The following SDK1 variants were observed in gnomAD, a reference collection of about 807,000 sequenced individuals.
SDK1 encodes the protein protein sidekick-1.
Under a neutral mutation model 245.5 loss-of-function variants are expected in SDK1, and 157 were observed. The observed-to-expected ratio is 0.64, with a 90% CI of 0.56 to 0.73. The LOEUF (loss-of-function observed/expected upper bound fraction) is 0.73, where lower values mean the gene tolerates loss of function less well. Ranked by LOEUF, SDK1 falls within the 30% of genes least tolerant of loss-of-function variation. The pLI is 0.00. For missense variants in SDK1, 3,583 were observed against 3,002.3 expected (o/e 1.19, Z -4.52); for synonymous variants, 1,647 against 1,278.5 (o/e 1.29, Z -6.15).
intron 1 of SDK1, among the ~76,000 whole-genome samples, chr7:3,599,855 T>A (rs1781198496): frequency 6.6e-6 from 1 of 152,242 alleles, no homozygotes; most frequent in African/African-American, 2.4e-5. Flanking sequence ...AGATAGTAAC[T>A]TTGAAATCAG....
In SDK1 at chr7:4,116,424, G is replaced by A. The variant is rs555743436; in HGVS notation, c.3823+2150G>A. 4.7e-4 allele frequency among the ~76,000 whole-genome samples: 72 copies of A among 152,296 alleles called. 2 individuals are homozygous for A. In the South Asian group the frequency reaches 0.011, roughly 24 times the overall value. On this transcript the variant is annotated intron_variant, in intron 25 of 44. Transcript: ENST00000404826. Reference sequence around the variant, plus strand: ...CAGCACGTGCCCAGTGCATCTGCACGTGCCACCCGCTCTGTGTGCCACAGC... The same window carrying A: ...CAGCACGTGCCCAGTGCATCTGCACATGCCACCCGCTCTGTGTGCCACAGC...
chr7:3,946,794 C>G (rs984471752), intron 5 of SDK1, among the ~76,000 whole-genome samples: 4 of 152,124 alleles, frequency 2.6e-5, no homozygotes, highest in Admixed American at 2.6e-4. Context: ...GAGTCCACAC[C>G]AAACAGGAAA....
intron 5 of SDK1, among the ~76,000 whole-genome samples, chr7:3,933,109 A>C (rs1051855517): frequency 6.8e-6 from 1 of 147,074 alleles, no homozygotes. Context: ...CTCCGGCGGG[A>C]AATGCTCCTG....
chr7:3,536,536 C>A (rs775563856), intron 1 of SDK1, among the ~76,000 whole-genome samples: 1 of 151,650 alleles, frequency 6.6e-6, no homozygotes, highest in Non-Finnish European at 1.5e-5. Flanking sequence ...CAAAAAAACC[C>A]CACAAAAATT....
intron 1 of SDK1, among the ~76,000 whole-genome samples, chr7:3,496,856 C>G (rs569572277): frequency 1.3e-5 from 2 of 152,126 alleles, no homozygotes; most frequent in African/African-American, 4.8e-5. Context: ...AAAATCCTTT[C>G]CCCCCACCAC....
chr7:3,795,847 T>G (rs997202777), intron 4 of SDK1, among the ~76,000 whole-genome samples: 2 of 152,194 alleles, frequency 1.3e-5, no homozygotes, highest in African/African-American at 2.4e-5. Flanking sequence ...TCTGTGAAAT[T>G]GACTGATTTT....
intron 4 of SDK1, among the ~76,000 whole-genome samples, chr7:3,648,451 G>T (rs888302316): frequency 3.9e-5 from 6 of 152,214 alleles, no homozygotes; most frequent in Non-Finnish European, 7.3e-5. Context: ...AGTCAGCTTT[G>T]CAATAGACAA....
At chr7:3,773,506 C>G (rs111947025) in intron 4 of SDK1, among the ~76,000 whole-genome samples, 3,026 of 152,262 alleles carry the variant, frequency 0.02, 116 homozygotes, top group African/African-American at 0.069. Context: ...TTTAAAGTCT[C>G]TGTCCAGTAT....
intron 1 of SDK1, among the ~76,000 whole-genome samples, chr7:3,432,309 G>A (rs1779876971): frequency 6.6e-6 from 1 of 151,876 alleles, no homozygotes; most frequent in Non-Finnish European, 1.5e-5. Flanking sequence ...GACACTGGCA[G>A]CATGTCATCC....
intron 1 of SDK1, among the ~76,000 whole-genome samples, chr7:3,552,194 A>T (rs1385294883): frequency 5.3e-5 from 8 of 151,830 alleles, no homozygotes; most frequent in East Asian, 1.9e-4. Context: ...CCCACCACCA[A>T]GCCTGGCTAA....
At chr7:3,792,499 G>C in intron 4 of SDK1, among the ~76,000 whole-genome samples, 1 of 152,230 alleles carries the variant, frequency 6.6e-6, no homozygotes, top group East Asian at 1.9e-4. Context: ...ACTAACCTGT[G>C]TCATTCATGT....
At chr7:3,470,211 C>T (rs1360888241) in intron 1 of SDK1, among the ~76,000 whole-genome samples, 1 of 152,098 alleles carries the variant, frequency 6.6e-6, no homozygotes, top group African/African-American at 2.4e-5. Context: ...TTTCTCCCTT[C>T]TTCTCTCCCT....
chr7:3,655,819 C>T (rs1412983475), intron 4 of SDK1, among the ~76,000 whole-genome samples: 4 of 151,970 alleles, frequency 2.6e-5, no homozygotes, highest in Middle Eastern at 3.4e-3. Context: ...CAGTCCCGGC[C>T]CTGCCACGTG....
At chr7:3,334,354 G>A (rs1190967901) in intron 1 of SDK1, among the ~76,000 whole-genome samples, 1 of 152,178 alleles carries the variant, frequency 6.6e-6, no homozygotes. Flanking sequence ...TCATTAGATG[G>A]TGGAGCCTAC....
intron 5 of SDK1, among the ~76,000 whole-genome samples, chr7:3,914,805 G>T (rs1463427040): frequency 6.6e-6 from 1 of 152,090 alleles, no homozygotes; most frequent in Admixed American, 6.5e-5. Context: ...CAATTTGATC[G>T]GTCAATTTGC....
chr7:3,413,322 C>A (rs549652501), intron 1 of SDK1, among the ~76,000 whole-genome samples: 1 of 152,148 alleles, frequency 6.6e-6, no homozygotes, highest in Non-Finnish European at 1.5e-5. Flanking sequence ...GGGCAGGGGT[C>A]AGACCAAGTA....
Position 3,344,722 on chromosome 7 carries a change from C to G in SDK1, c.298+42838C>G, listed in dbSNP as rs541452998. 3.7e-4 allele frequency among the ~76,000 whole-genome samples: 56 copies of G among 152,288 alleles called. 1 individual carries two copies. The highest frequency in any genetic ancestry group is 7.2e-4 in the Non-Finnish European group (49 of 68,030). On this transcript the variant is annotated intron_variant, in intron 1 of 44. Transcript: ENST00000404826. The stretch of plus-strand genomic sequence containing the variant: ...TGATAGCACGTTTCAATCAGATGGG[C>G]CTGAGCCCTGTCTAGTGTATAATTT...
chr7:3,996,959 G>C (rs1245141112), intron 14 of SDK1, among the ~76,000 whole-genome samples: 1 of 152,076 alleles, frequency 6.6e-6, no homozygotes, highest in Non-Finnish European at 1.5e-5. Context: ...GATATAATTT[G>C]TATGTAACAA....
At chr7:3,322,050 G>C (rs1181552254) in intron 1 of SDK1, among the ~76,000 whole-genome samples, 1 of 149,152 alleles carries the variant, frequency 6.7e-6, no homozygotes, top group Non-Finnish European at 1.5e-5. Context: ...AGCATCGAGT[G>C]AACTATTTTA....
Sources: gnomAD v4.1 joint callset for allele counts (sites outside exome capture counted in the v4.1 genomes callset) on GRCh38, gnomAD v4.1.1 for gene constraint, MANE v1.5 for transcripts, NCBI Gene and HGNC (gene_info 2026-07-23, HGNC 2026-07-21) for gene names.